GYG2: variants seen among roughly 807,000 people sequenced by gnomAD.
GYG2 encodes glycogenin 2.
GYG2 carries 29 observed loss-of-function variants against 29.4 expected under a neutral mutation model. The observed-to-expected ratio is 0.99, with a 90% CI of 0.74 to 1.35. GYG2 has a LOEUF of 1.35. GYG2 is among the 40% of genes most tolerant of loss of function. The pLI is 0.00. For synonymous variants in GYG2, 167 were observed against 172.3 expected (o/e 0.97, Z 0.24); for missense variants, 370 against 385.7 (o/e 0.96, Z 0.34).
At chrX:2,869,606 G>A (rs1418216023) in intron 8 of GYG2, among the ~76,000 whole-genome samples, 1 of 112,157 alleles carries the variant, frequency 8.9e-6, no homozygotes, top group Non-Finnish European at 1.9e-5. Flanking sequence ...TAGCTACTTT[G>A]GTATATATAA....
intron 6 of GYG2, among the ~76,000 whole-genome samples, chrX:2,858,927 A>AT (rs1180714638): frequency 1.2e-4 from 13 of 108,757 alleles, no homozygotes; most frequent in East Asian, 2.9e-4. Flanking sequence ...TGTAAAAGCT[A>AT]TTTTTTTTTG....
intron 4 of GYG2, 26 bp from the exon 5 acceptor site, chrX:2,854,967 G>A (rs979836862): frequency 5.0e-6 from 6 of 1,199,546 alleles, no homozygotes; most frequent in Admixed American, 4.4e-5. Flanking sequence ...GCATTGCGGC[G>A]GGTTCTGCGT....
intron 9 of GYG2, 31 bp downstream of exon 9, chrX:2,875,945 C>A: frequency 1.2e-6 from 1 of 809,932 alleles, no homozygotes; most frequent in Non-Finnish European, 1.9e-6. Context: ...CTACACATGG[C>A]CAGCTCTCTT....
Position 2,881,064 on chromosome X carries a change from G to T in GYG2, c.1264G>T (p.Val422Phe). Residue 422 changes from valine (V) to phenylalanine (F), a missense_variant, in exon 11 of 11, where the codon GTC (valine) becomes TTC (phenylalanine). By Grantham distance (50) the Val-to-Phe change is conservative. Transcript: ENST00000398806. ...LQDALEVDLAVSVSQISIEEK... is the reference protein window; with the variant it reads ...LQDALEVDLAFSVSQISIEEK... ...CTGTCTTCCCTAGGTCGACCTGGCC[G>T]TCTCTGTTTCCCAGATCTCCATCGA... 8.3e-7 allele frequency: 1 copy of T among 1,209,885 alleles called. No individual in the cohort carries two copies. The highest frequency in any genetic ancestry group is 1.1e-6 in the Non-Finnish European group (1 of 894,394).
intron 7 of GYG2, among the ~76,000 whole-genome samples, chrX:2,860,703 A>G (rs998833097): frequency 1.3e-4 from 13 of 102,587 alleles, no homozygotes; most frequent in Non-Finnish European, 2.3e-4. Flanking sequence ...GTATTTTTTA[A>G]CTAGAGTAAA....
At position 2,846,055 on chromosome X, in the gene GYG2, A is replaced by AT. The variant is rs374480210; in HGVS notation, c.149+2730dup. Among the ~76,000 whole-genome samples, 105 of 38,665 alleles carry AT rather than the reference A, an allele frequency of 2.7e-3. 8 individuals are homozygous for AT. Among genetic ancestry groups the AT allele is most frequent in the African/African-American group, 9.8e-3 (100 of 10,193 alleles). The allele number at this position is 38,665 out of a possible 115,157, so 33.6% of individuals were successfully genotyped here. A position where few individuals can be genotyped will look rare whatever the true frequency, so the allele number is the denominator to read the frequency against. On this transcript the variant is annotated intron_variant, in intron 3 of 10. Coordinates refer to ENST00000398806, the MANE Select transcript of GYG2 (RefSeq NM_001079855.2). ...TATACACATATATATATATATATAT[A>AT]TTTTTTTTTTTTTTTTTTTTTTTTT...
intron 8 of GYG2, among the ~76,000 whole-genome samples, chrX:2,873,542 TCTCCTC>T (rs893899518): frequency 1.8e-5 from 2 of 109,862 alleles, no homozygotes; most frequent in Non-Finnish European, 3.8e-5. Context: ...TCCTCCTCTT[TCTCCTC>T]CTCCTCCTCC....
At chrX:2,846,053 ATATT>A (rs2087722326) in intron 3 of GYG2, among the ~76,000 whole-genome samples, 1 of 29,969 alleles carries the variant, frequency 3.3e-5, no homozygotes, top group Admixed American at 5.2e-4. Context: ...ATATATATAT[ATATT>A]TTTTTTTTTT....
intron 2 of GYG2, among the ~76,000 whole-genome samples, chrX:2,837,942 A>C (rs2087413656): frequency 9.1e-6 from 1 of 110,058 alleles, no homozygotes; most frequent in African/African-American, 3.3e-5. Flanking sequence ...GCAGTGGCAC[A>C]ATTATATCTC....
chrX:2,842,831 T>C (rs1371866243), intron 2 of GYG2, among the ~76,000 whole-genome samples: 2 of 108,353 alleles, frequency 1.8e-5, no homozygotes, highest in African/African-American at 3.4e-5. Context: ...TTTTTTTTTT[T>C]TGAGACAGGG....
In GYG2 at chrX:2,856,730, T is replaced by TATC. The variant is rs750584317; in HGVS notation, c.614+107_614+109dup. 0.042 allele frequency: 20,414 copies of TATC among 481,764 alleles called. 986 individuals carry two copies. Among genetic ancestry groups the TATC allele is most frequent in the African/African-American group, 0.2 (7,125 of 35,052 alleles). 39.7% of individuals were successfully genotyped at this position (481,764 alleles called of 1,213,427 possible). ...GGCATATTTAAAAACTCTATCTATC[T>TATC]ATCTATCATCTATCTATCTATGTAT... On this transcript the variant is annotated intron_variant, in intron 6 of 10. Coordinates refer to ENST00000398806, the MANE Select transcript of GYG2 (RefSeq NM_001079855.2).
intron 8 of GYG2, among the ~76,000 whole-genome samples, chrX:2,873,792 T>C (rs1213567084): frequency 9.0e-6 from 1 of 111,528 alleles, no homozygotes; most frequent in African/African-American, 3.3e-5. Context: ...TGTGAGTTAT[T>C]TAAAGTGCAC....
chrX:2,853,332 T>C (rs1333872213), intron 3 of GYG2, among the ~76,000 whole-genome samples: 7 of 111,087 alleles, frequency 6.3e-5, no homozygotes, highest in African/African-American at 2.0e-4. Flanking sequence ...TGCTTCGGCC[T>C]CCTGAGTAGC....
At position 2,837,746 on chromosome X, in the gene GYG2, C is replaced by G. The variant is rs768865724; in HGVS notation, c.8-5467C>G. ...AAAATTGTAAATGGCACTTTATTTT[C>G]AGTTTGACATTACTTTGCTGATGAT... On this transcript the variant is annotated intron_variant, in intron 2 of 10. Coordinates refer to ENST00000398806, the MANE Select transcript of GYG2 (RefSeq NM_001079855.2). Among the ~76,000 whole-genome samples the G allele has an allele frequency of 1.1e-4, 12 of 110,853 alleles. No individual in the cohort carries two copies. In the Admixed American group the frequency reaches 1.2e-3, roughly 11 times the overall value.
At chrX:2,854,891 C>T (rs934862210) in intron 4 of GYG2, 102 bp from the exon 5 acceptor site, 2 of 936,184 alleles carry the variant, frequency 2.1e-6, no homozygotes, top group African/African-American at 3.9e-5. Flanking sequence ...GAGACTGAAG[C>T]ACTGCACTCC....
intron 3 of GYG2, chrX:2,852,850 T>C (rs761960978): frequency 1.1e-4 from 12 of 112,129 alleles, no homozygotes; most frequent in Non-Finnish European, 1.9e-5. Context: ...ACAGAAATTA[T>C]GCAATTATAT....
chrX:2,868,393 G>A (rs62582330), intron 8 of GYG2, among the ~76,000 whole-genome samples: 11,776 of 100,798 alleles, frequency 0.12, 732 homozygotes, highest in South Asian at 0.28. Flanking sequence ...GGAGGTGGAG[G>A]TTGCAGTGAG....
At chrX:2,849,760 T>C (rs1280048860) in intron 3 of GYG2, among the ~76,000 whole-genome samples, 1 of 111,806 alleles carries the variant, frequency 8.9e-6, no homozygotes, top group Non-Finnish European at 1.9e-5. Context: ...ATGTTATCCC[T>C]CAAAGATCTT....
intron 2 of GYG2, among the ~76,000 whole-genome samples, chrX:2,836,673 C>CA (rs571518086): frequency 0.014 from 681 of 47,736 alleles, 9 homozygotes; most frequent in African/African-American, 0.022. Context: ...AAGACCCTGT[C>CA]AAAAAAAAAA....
Sources: gnomAD v4.1 joint callset for allele counts (sites outside exome capture counted in the v4.1 genomes callset) on GRCh38, gnomAD v4.1.1 for gene constraint, MANE v1.5 for transcripts, NCBI Gene and HGNC (gene_info 2026-07-23, HGNC 2026-07-21) for gene names.